DYNC2H1: variants seen among roughly 807,000 people sequenced by gnomAD.
DYNC2H1 encodes the protein dynein cytoplasmic 2 heavy chain 1.
In DYNC2H1, 410 loss-of-function variants were observed where a neutral mutation model predicts 570.0. The observed-to-expected ratio is 0.72, with a 90% confidence interval of 0.66 to 0.78. DYNC2H1 has a LOEUF of 0.78. Ranked by LOEUF, DYNC2H1 falls within the 30% of genes least tolerant of loss-of-function variation. DYNC2H1 has a pLI of 0.00. For missense variants in DYNC2H1, 4,865 were observed against 5,046.4 expected, an observed-to-expected ratio of 0.96 and a Z score of 1.09; for synonymous variants, 1,688 against 1,677.6, an observed-to-expected ratio of 1.01 and a Z score of -0.15.
At position 103,307,763 on chromosome 11, in the gene DYNC2H1, C is replaced by A; in HGVS notation, c.11425C>A (p.Leu3809Ile). 1 of 1,605,454 alleles carries A rather than the reference C, an allele frequency of 6.2e-7. No individual in the cohort carries two copies. Among genetic ancestry groups the A allele is most frequent in the South Asian group, 1.1e-5 (1 of 89,350 alleles). Residue 3809 changes from leucine to isoleucine, a missense_variant, in exon 78 of 89, where the codon CTC (leucine) becomes ATC (isoleucine). By Grantham distance (5) the Leu-to-Ile change is conservative (BLOSUM62 2). Around this residue, in one of 5 missense-constraint regions of DYNC2H1, gnomAD observed 2,401 missense variants for 2,454.6 expected, o/e 0.98. Coordinates refer to ENST00000375735, the MANE Select transcript of DYNC2H1 (RefSeq NM_001377.3). ...LQPKDTFRLW[L>I]TAEVHPNFTP... ...ACCTAAAGATACCTTTCGTCTTTGG[C>A]TCACTGCAGAAGTTCATCCCAACTT...
chr11:103,324,075 A>C lies in DYNC2H1; in HGVS notation c.12039+85A>C, dbSNP rs571373606. 6 of 731,504 alleles carry C rather than the reference A, an allele frequency of 8.2e-6. No individual in the cohort carries two copies. Among genetic ancestry groups the C allele is most frequent in the African/African-American group, 5.4e-5 (3 of 55,348 alleles). 45.3% of individuals were successfully genotyped at this position (731,504 alleles called of 1,614,324 possible). ...AATTAAACTTGATTTAGTACTGTAG[A>C]CCCCACAAGCTTTATTTAAACATTT... On this transcript the variant is annotated intron_variant, in intron 82 of 88. Transcript: ENST00000375735. The surrounding 1 kb of genome is among the most constrained non-coding windows in gnomAD (Gnocchi z 5.2).
At chr11:103,238,455 G>C (rs1019112264) in intron 63 of DYNC2H1, among the ~76,000 whole-genome samples, 15 of 152,026 alleles carry the variant, frequency 9.9e-5, no homozygotes, top group Non-Finnish European at 1.9e-4. Context: ...TGTAACTCCA[G>C]CTACTCAGGA....
chr11:103,152,636 C>T (rs187729248), intron 21 of DYNC2H1, among the ~76,000 whole-genome samples: 1 of 152,112 alleles, frequency 6.6e-6, no homozygotes, highest in East Asian at 1.9e-4. Flanking sequence ...TAATGGAGAC[C>T]CCAAAAATTG....
In DYNC2H1 at chr11:103,326,022, C is replaced by G. The variant is rs1171369974; in HGVS notation, c.12039+2032C>G. ...AGTTGGGTTTGGTTTGGGGCGCTTT[C>G]AGAGGGCCAAGGCTCTGTACAGTGT... On this transcript the variant is annotated intron_variant, in intron 82 of 88. Transcript: ENST00000375735. The surrounding 1 kb of genome is among the most constrained non-coding windows in gnomAD (Gnocchi z 6.1). Among the ~76,000 whole-genome samples the G allele has an allele frequency of 1.3e-5, 2 of 152,102 alleles. No individual in the cohort carries two copies. Among genetic ancestry groups the G allele is most frequent in the Non-Finnish European group, 2.9e-5 (2 of 68,026 alleles).
intron 78 of DYNC2H1, among the ~76,000 whole-genome samples, chr11:103,308,474 T>C (rs951986825): frequency 1.3e-5 from 2 of 152,212 alleles, no homozygotes; most frequent in East Asian, 1.9e-4. Flanking sequence ...TGAGCACATA[T>C]CTCTTCAAGA....
At chr11:103,376,746 A>C (rs1941408369) in intron 83 of DYNC2H1, among the ~76,000 whole-genome samples, 1 of 149,474 alleles carries the variant, frequency 6.7e-6, no homozygotes, top group Non-Finnish European at 1.5e-5. Flanking sequence ...GCAATTCCGT[A>C]TTCTTTGTTA....
chr11:103,455,081 C>T (rs1432462133), intron 85 of DYNC2H1, 105 bp from the exon 86 acceptor site: 4 of 722,788 alleles, frequency 5.5e-6, no homozygotes, highest in Non-Finnish European at 9.0e-6. Flanking sequence ...GCTACCATTT[C>T]AGAGCATTTG....
rs181329600 is a variant in DYNC2H1, at chr11:103,252,122, A to G, written c.10043-1163A>G. Among the ~76,000 whole-genome samples the G allele has an allele frequency of 1.4e-4, 21 of 150,574 alleles. No homozygotes were observed. The highest frequency in any genetic ancestry group is 2.4e-4 in the Non-Finnish European group (16 of 67,718). On this transcript the variant is annotated intron_variant, in intron 65 of 88. Coordinates refer to ENST00000375735, the MANE Select transcript of DYNC2H1 (RefSeq NM_001377.3). The surrounding 1 kb of genome is among the most constrained non-coding windows in gnomAD (Gnocchi z 4.6). The stretch of plus-strand genomic sequence containing the variant: ...AACATTTTTTTTTTTTTTTGCAAAG[A>G]CGAGGTCTCAGTATGTTTCCCAGAT...
intron 20 of DYNC2H1, among the ~76,000 whole-genome samples, chr11:103,149,023 C>T (rs1338365136): frequency 6.6e-6 from 1 of 152,104 alleles, no homozygotes; most frequent in Non-Finnish European, 1.5e-5. Context: ...TGCCACTGCA[C>T]TCCAGCCTGG....
At chr11:103,393,139 C>T (rs1055263797) in intron 83 of DYNC2H1, among the ~76,000 whole-genome samples, 6 of 152,232 alleles carry the variant, frequency 3.9e-5, no homozygotes, top group African/African-American at 9.6e-5. Flanking sequence ...ACACCTCAGC[C>T]TCCCAAAGTG....
intron 82 of DYNC2H1, among the ~76,000 whole-genome samples, chr11:103,336,955 G>T (rs1410379252): frequency 6.6e-6 from 1 of 152,008 alleles, no homozygotes; most frequent in African/African-American, 2.4e-5. Context: ...CCCCAAAACT[G>T]GTCATAAACA....
intron 63 of DYNC2H1, among the ~76,000 whole-genome samples, chr11:103,240,382 C>T (rs1264435759): frequency 6.6e-6 from 1 of 151,992 alleles, no homozygotes; most frequent in Non-Finnish European, 1.5e-5. Context: ...ATTGATAACC[C>T]ATCAGAAATA....
intron 75 of DYNC2H1, among the ~76,000 whole-genome samples, chr11:103,291,369 G>T (rs575511908): frequency 6.6e-6 from 1 of 152,100 alleles, no homozygotes; most frequent in East Asian, 1.9e-4. Flanking sequence ...CCCACAAGGC[G>T]AAGGGTTGCT....
chr11:103,276,682 C>T (rs1439749775), intron 70 of DYNC2H1, among the ~76,000 whole-genome samples: 2 of 152,020 alleles, frequency 1.3e-5, no homozygotes, highest in African/African-American at 4.8e-5. Context: ...TTTTTATAAA[C>T]ATCTTCCTCC....
chr11:103,214,446 C>CTTTTTTTT (rs200386358), intron 54 of DYNC2H1, among the ~76,000 whole-genome samples: 26 of 127,422 alleles, frequency 2.0e-4, no homozygotes, highest in Admixed American at 2.5e-4. Context: ...ACTTCTTCTT[C>CTTTTTTTT]TTTTTTTTTT....
At chr11:103,432,272 T>C (rs1309884415) in intron 84 of DYNC2H1, among the ~76,000 whole-genome samples, 1 of 152,192 alleles carries the variant, frequency 6.6e-6, no homozygotes, top group Non-Finnish European at 1.5e-5. Flanking sequence ...TGAGGCATCC[T>C]CTTATCAAGC....
intron 73 of DYNC2H1, among the ~76,000 whole-genome samples, chr11:103,284,314 G>A (rs192806013): frequency 9.2e-5 from 14 of 151,972 alleles, no homozygotes; most frequent in Non-Finnish European, 1.5e-4. Flanking sequence ...GTCTCTTTTC[G>A]CCTATTGCTT....
In DYNC2H1 at chr11:103,477,109, C is replaced by T. The variant is rs910824340; in HGVS notation, c.12766-1986C>T. ...GTGAAACTGATGTTCGGAGAGTAAC[C>T]TCTACAGGGTCAGGAGCTCCTAGAC... On this transcript the variant is annotated intron_variant, in intron 88 of 88. Coordinates refer to ENST00000375735, the MANE Select transcript of DYNC2H1 (RefSeq NM_001377.3). Among the ~76,000 whole-genome samples, 28 of 152,308 alleles carry T rather than the reference C, an allele frequency of 1.8e-4. No homozygotes were observed. The East Asian group carries it at 3.1e-3, about 17-fold the overall frequency.
chr11:103,384,337 ATT>A (rs1941789849), intron 83 of DYNC2H1, among the ~76,000 whole-genome samples: 1 of 151,488 alleles, frequency 6.6e-6, no homozygotes, highest in Non-Finnish European at 1.5e-5. Context: ...TCTTTTGGTT[ATT>A]TTTTGCTAGA....
Sources: allele counts gnomAD v4.1 joint callset (sites outside exome capture counted in the v4.1 genomes callset), GRCh38; gene constraint gnomAD v4.1.1; regional missense constraint gnomAD v4.1.1; non-coding constraint Gnocchi (gnomAD v3.1); transcripts MANE v1.5; gene names NCBI Gene and HGNC (gene_info 2026-07-23, HGNC 2026-07-21).